MALT1: variants seen among roughly 807,000 people sequenced by gnomAD.
MALT1 encodes mucosa-associated lymphoid tissue lymphoma translocation protein 1.
A neutral mutation model predicts 85.5 loss-of-function variants in MALT1; 36 were observed. That is an observed-to-expected ratio of 0.42 (90% CI 0.32 to 0.56). The LOEUF (loss-of-function observed/expected upper bound fraction) is 0.56, where lower values mean the gene tolerates loss of function less well. MALT1 is among the 20% of genes least tolerant of loss of function. The pLI is 0.10. For synonymous variants in MALT1, 359 were observed against 361.3 expected, an observed-to-expected ratio of 0.99 and a Z score of 0.07; for missense variants, 716 against 981.6, an observed-to-expected ratio of 0.73 and a Z score of 3.62.
At chr18:58,716,645 A>G (rs903464658) in intron 9 of MALT1, among the ~76,000 whole-genome samples, 2 of 152,254 alleles carry the variant, frequency 1.3e-5, no homozygotes, top group African/African-American at 4.8e-5. Context: ...CATGGATACA[A>G]TGTATAAAAT....
chr18:58,696,403 C>G lies in MALT1; in HGVS notation c.414C>G (p.Val138=). The G allele has an allele frequency of 7.0e-7, 1 of 1,433,868 alleles. No individual in the cohort carries two copies. Among genetic ancestry groups the G allele is most frequent in the Non-Finnish European group, 9.3e-7 (1 of 1,073,904 alleles). The allele number at this position is 1,433,868 out of a possible 1,614,324, so 88.8% of individuals were successfully genotyped here. The stretch of plus-strand genomic sequence containing the variant: ...CTGTAAACCCAGAGTCAAAGGCAGT[C>G]TTGGCTGGACAGTTTGTGAAACTGT... The part of the protein sequence containing the change: ...KITVNPESKA[V]LAGQFVKLCC... The change falls in exon 3 of 17, where the codon GTC becomes GTG. Residue 138 remains valine, a synonymous_variant. Transcript: ENST00000649217.
rs866531678 is a variant in MALT1, at chr18:58,735,341, A to C, written c.1603+12A>C. 2 of 1,588,162 alleles carry C rather than the reference A, an allele frequency of 1.3e-6. No individual in the cohort carries two copies. The highest frequency in any genetic ancestry group is 3.7e-5 in the Admixed American group (2 of 53,838). On this transcript the variant is annotated intron_variant, in intron 13 of 16. Transcript: ENST00000649217. ...TGAAGTTGCAGAAGGTAAAATAAAAAATAAAGAGAAAAGTACTCAGAAAAA... is the reference window on the plus strand; with the variant it reads ...TGAAGTTGCAGAAGGTAAAATAAAACATAAAGAGAAAAGTACTCAGAAAAA...
chr18:58,739,808 TACACACAC>T (rs36038136), intron 13 of MALT1, among the ~76,000 whole-genome samples: 8 of 150,980 alleles, frequency 5.3e-5, no homozygotes, highest in South Asian at 2.1e-4. Context: ...TGTACACACA[TACACACAC>T]ACACACACAC....
At position 58,733,619 on chromosome 18, in the gene MALT1, C is replaced by T. The variant is rs139677985; in HGVS notation, c.1400+45C>T. On this transcript the variant is annotated intron_variant, in intron 11 of 16. Transcript: ENST00000649217. ...TTAAAGAATTGTTGGAGTTAAATAT[C>T]GACCATGACAAACTAGAGAAACCTG... 292 of 1,398,354 alleles carry T rather than the reference C, an allele frequency of 2.1e-4. 2 individuals are homozygous for T. The East Asian group carries it at 5.4e-3, about 26-fold the overall frequency. 86.6% of individuals were successfully genotyped at this position (1,398,354 alleles called of 1,614,324 possible). A position where few individuals can be genotyped will look rare whatever the true frequency, so the allele number is the denominator to read the frequency against.
chr18:58,732,340 G>C (rs1165317237), intron 10 of MALT1, among the ~76,000 whole-genome samples: 2 of 151,516 alleles, frequency 1.3e-5, no homozygotes, highest in African/African-American at 2.4e-5. Flanking sequence ...AAAACATTGA[G>C]TTGTTTGGGT....
At chr18:58,673,780 T>C (rs1469953426) in intron 1 of MALT1, among the ~76,000 whole-genome samples, 1 of 152,150 alleles carries the variant, frequency 6.6e-6, no homozygotes, top group Non-Finnish European at 1.5e-5. Flanking sequence ...CTGACAACTC[T>C]TGTTTCAGAG....
Position 58,744,469 on chromosome 18 carries a change from G to A in MALT1, c.1885G>A (p.Asp629Asn), listed in dbSNP as rs2055340653. 4 of 1,604,034 alleles carry A rather than the reference G, an allele frequency of 2.5e-6. No individual in the cohort carries two copies. The South Asian group carries it at 4.5e-5, about 18-fold the overall frequency. ...VYKPPEIIMC[D>N]AYVTDFPLDL... The stretch of plus-strand genomic sequence containing the variant: ...CAAACCACCGGAGATAATAATGTGT[G>A]ATGCCTACGTTACTGATTTTCCACT... The change falls in exon 15 of 17, where the codon GAT (aspartate) becomes AAT (asparagine). Residue 629 changes from aspartate (D) to asparagine (N), a missense_variant. By Grantham distance (23) the Asp-to-Asn change is conservative. Transcript: ENST00000649217.
chr18:58,680,975 G>T (rs532755449), intron 1 of MALT1, among the ~76,000 whole-genome samples, 195 bp from the exon 2 acceptor site: 20 of 151,964 alleles, frequency 1.3e-4, no homozygotes, highest in African/African-American at 4.8e-4. Context: ...GAGCTGAGTG[G>T]GAGAAGGGAA....
At chr18:58,705,289 CGTGTGTGTGTGTGTGT>C (rs59890170) in intron 4 of MALT1, among the ~76,000 whole-genome samples, 5 of 147,000 alleles carry the variant, frequency 3.4e-5, no homozygotes, top group Admixed American at 6.7e-5. Context: ...TGTAAAAGTA[CGTGTGTGTGTGTGTGT>C]GTGTGTGTGT....
chr18:58,728,726 T>C (rs1024386715), intron 10 of MALT1, among the ~76,000 whole-genome samples: 2 of 152,264 alleles, frequency 1.3e-5, no homozygotes, highest in African/African-American at 2.4e-5. Flanking sequence ...GTTACACTTT[T>C]CGTAAGACAT....
rs534141137 is a variant in MALT1, at chr18:58,747,356, T to A, written c.2038-49T>A. Reference sequence around the variant, plus strand: ...ATGTGTGAATATTTTCAGATTGATATATATTCACTGTTGATGCCAATAATA... The same window carrying A: ...ATGTGTGAATATTTTCAGATTGATAAATATTCACTGTTGATGCCAATAATA... On this transcript the variant is annotated intron_variant, in intron 16 of 16. Coordinates refer to ENST00000649217, the MANE Select transcript of MALT1 (RefSeq NM_006785.4). The A allele has an allele frequency of 3.0e-5, 35 of 1,152,004 alleles. No homozygotes were observed. In the East Asian group the frequency reaches 8.2e-4, roughly 27 times the overall value. 71.4% of individuals were successfully genotyped at this position (1,152,004 alleles called of 1,614,324 possible). A position where few individuals can be genotyped will look rare whatever the true frequency, so the allele number is the denominator to read the frequency against.
At position 58,753,609 on chromosome 18, in the gene MALT1, C is replaced by T. The variant is rs927201316; in HGVS notation, c.*5767C>T. On this transcript the variant is annotated 3_prime_UTR_variant, in exon 17 of 17. Coordinates refer to ENST00000649217, the MANE Select transcript of MALT1 (RefSeq NM_006785.4). ...ACCAGTTTGTGTTATGTATCTATCC[C>T]GCAAAACAGCTCTAAAGGTGATTTA... 6.6e-6 allele frequency: 1 copy of T among 152,128 alleles called. No homozygotes were observed. Among genetic ancestry groups the T allele is most frequent in the Admixed American group, 6.6e-5 (1 of 15,266 alleles). 9.4% of individuals were successfully genotyped at this position (152,128 alleles called of 1,614,324 possible).
chr18:58,741,717 G>GC (rs2055303970), intron 13 of MALT1, 148 bp from the exon 14 acceptor site: 4 of 456,908 alleles, frequency 8.8e-6, no homozygotes, highest in Non-Finnish European at 1.5e-5. Context: ...GATATGTCTG[G>GC]CACATAATAG....
chr18:58,687,959 T>G (rs1046343214), intron 2 of MALT1, among the ~76,000 whole-genome samples: 1 of 152,248 alleles, frequency 6.6e-6, no homozygotes, highest in Non-Finnish European at 1.5e-5. Context: ...TCTTTGTAGA[T>G]GTTATCTGAA....
At chr18:58,729,421 G>A (rs906932220) in intron 10 of MALT1, among the ~76,000 whole-genome samples, 14 of 150,906 alleles carry the variant, frequency 9.3e-5, no homozygotes, top group Non-Finnish European at 1.5e-4. Context: ...CCCGGGAGGC[G>A]GAGGTTGCAG....
In MALT1 at chr18:58,723,103, G is replaced by A; in HGVS notation, c.1074G>A (p.Lys358=). The change falls in exon 10 of 17, where the codon AAG becomes AAA. Residue 358 remains lysine, a synonymous_variant. Coordinates refer to ENST00000649217, the MANE Select transcript of MALT1 (RefSeq NM_006785.4). ...ATATGAATTACCGGGAGCACCCCAA[G>A]CTCAAAGCTCCTTTGGTGGATGTGT... ...IGNMNYREHP[K]LKAPLVDVYE... The A allele has an allele frequency of 6.2e-7, 1 of 1,613,754 alleles. No homozygotes were observed. The highest frequency in any genetic ancestry group is 1.7e-5 in the Admixed American group (1 of 59,998).
chr18:58,748,062 T>C lies in MALT1; in HGVS notation c.*220T>C. On this transcript the variant is annotated 3_prime_UTR_variant, in exon 17 of 17. Transcript: ENST00000649217. ...TTTGTGAATTGGTTGAATAGTTCTA[T>C]ACAAATGAAGTATGGAGGTGTGTAT... 3.7e-6 allele frequency: 2 copies of C among 533,924 alleles called. No homozygotes were observed. The highest frequency in any genetic ancestry group is 4.2e-5 in the South Asian group (2 of 47,640). The allele number at this position is 533,924 out of a possible 1,614,324, so 33.1% of individuals were successfully genotyped here.
chr18:58,698,481 A>G (rs1037288050), intron 3 of MALT1, among the ~76,000 whole-genome samples: 5 of 152,188 alleles, frequency 3.3e-5, no homozygotes, highest in Admixed American at 3.3e-4. Context: ...GGAGAAGAGA[A>G]GGTGGATCAC....
chr18:58,736,456 G>A lies in MALT1; in HGVS notation c.1603+1127G>A, dbSNP rs755180158. Reference sequence around the variant, plus strand: ...CTCTGCTGCTTTAAAAAAAAAAAAAGAAAGAAAGAAAACCTTTGGATTATG... The same window carrying A: ...CTCTGCTGCTTTAAAAAAAAAAAAAAAAAGAAAGAAAACCTTTGGATTATG... On this transcript the variant is annotated intron_variant, in intron 13 of 16. Coordinates refer to ENST00000649217, the MANE Select transcript of MALT1 (RefSeq NM_006785.4). Among the ~76,000 whole-genome samples, 711 of 141,308 alleles carry A rather than the reference G, an allele frequency of 5.0e-3. 3 individuals are homozygous for A. Among genetic ancestry groups the A allele is most frequent in the Non-Finnish European group, 8.6e-3 (563 of 65,682 alleles). The allele number at this position is 141,308 out of a possible 152,430, so 92.7% of individuals were successfully genotyped here. A position where few individuals can be genotyped will look rare whatever the true frequency, so the allele number is the denominator to read the frequency against.
Sources: allele counts gnomAD v4.1 joint callset (sites outside exome capture counted in the v4.1 genomes callset), GRCh38; gene constraint gnomAD v4.1.1; transcripts MANE v1.5; gene names NCBI Gene and HGNC (gene_info 2026-07-23, HGNC 2026-07-21).